Variants in EPHB1 observed in about 807,000 individuals in gnomAD.
EPHB1 encodes EPH receptor B1, also known as ephrin type-B receptor 1.
A neutral mutation model predicts 94.4 loss-of-function variants in EPHB1; 30 were observed. The observed-to-expected ratio is 0.32, with a 90% CI of 0.24 to 0.43. EPHB1 has a LOEUF of 0.43. Among genes scored for constraint, EPHB1 ranks in the 20% least tolerant of loss-of-function variants. The probability of loss-of-function intolerance (pLI) is 1.00; values close to 1 mark genes in which losing one functional copy is unlikely to be tolerated. For missense variants in EPHB1, 1,055 were observed against 1,308.3 expected (o/e 0.81, Z 2.99); for synonymous variants, 522 against 489.1 (o/e 1.07, Z -0.89).
chr3:134,902,584 C>G (rs749043347), intron 1 of EPHB1, among the ~76,000 whole-genome samples: 5 of 152,062 alleles, frequency 3.3e-5, no homozygotes, highest in Non-Finnish European at 7.4e-5. Context: ...ATTAAAATGG[C>G]TTCTTCATCT....
At chr3:134,863,986 G>A (rs1560270986) in intron 1 of EPHB1, among the ~76,000 whole-genome samples, 1 of 152,192 alleles carries the variant, frequency 6.6e-6, no homozygotes, top group Admixed American at 6.5e-5. Context: ...CAGAGGGGTG[G>A]GAAATCTACA....
At chr3:134,920,182 C>T (rs994794034) in intron 1 of EPHB1, among the ~76,000 whole-genome samples, 1 of 152,082 alleles carries the variant, frequency 6.6e-6, no homozygotes, top group African/African-American at 2.4e-5. Context: ...CACTCCCTTC[C>T]CCCAGTCTCC....
intron 3 of EPHB1, among the ~76,000 whole-genome samples, chr3:134,974,717 C>T (rs527949128): frequency 6.6e-6 from 1 of 152,326 alleles, no homozygotes; most frequent in Non-Finnish European, 1.5e-5. Flanking sequence ...TTGGCACCTG[C>T]CTCAGCATAT....
intron 3 of EPHB1, among the ~76,000 whole-genome samples, chr3:135,091,323 T>C (rs1431878267): frequency 6.6e-6 from 1 of 152,206 alleles, no homozygotes; most frequent in African/African-American, 2.4e-5. Context: ...TTGTTCTGGT[T>C]CACCTGCACC....
intron 5 of EPHB1, among the ~76,000 whole-genome samples, chr3:135,148,257 A>G (rs1018253459): frequency 6.6e-6 from 1 of 152,366 alleles, no homozygotes; most frequent in Non-Finnish European, 1.5e-5. Context: ...AAACAAAATG[A>G]GTAAGAAGAA....
At chr3:135,161,903 G>T (rs2270882) in intron 6 of EPHB1, 115 bp from the exon 7 acceptor site, 352,481 of 1,159,862 alleles carry the variant, frequency 0.3, 56,519 homozygotes, top group East Asian at 0.6. Flanking sequence ...GATGACAACT[G>T]CTAGCAGATA....
At chr3:134,825,247 T>C (rs541523907) in intron 1 of EPHB1, among the ~76,000 whole-genome samples, 1 of 152,320 alleles carries the variant, frequency 6.6e-6, no homozygotes, top group African/African-American at 2.4e-5. Flanking sequence ...AGGCTGGAGA[T>C]GTTACGATCA....
intron 3 of EPHB1, among the ~76,000 whole-genome samples, chr3:135,013,253 A>C (rs1156924899): frequency 6.6e-6 from 1 of 152,204 alleles, no homozygotes; most frequent in Non-Finnish European, 1.5e-5. Flanking sequence ...AGTAACAGGA[A>C]TATCGGGATT....
intron 1 of EPHB1, among the ~76,000 whole-genome samples, chr3:134,827,771 G>A (rs556772848): frequency 6.6e-6 from 1 of 152,262 alleles, no homozygotes; most frequent in Admixed American, 6.5e-5. Flanking sequence ...GAATGGGGAG[G>A]GGTGAAATTG....
chr3:134,969,207 T>C (rs952163500), intron 3 of EPHB1, among the ~76,000 whole-genome samples: 13 of 152,240 alleles, frequency 8.5e-5, no homozygotes, highest in African/African-American at 3.1e-4. Context: ...GCCATTCTAC[T>C]ATGTGTGTCA....
intron 3 of EPHB1, among the ~76,000 whole-genome samples, chr3:134,953,347 G>A (rs565280074): frequency 1.1e-4 from 16 of 152,366 alleles, no homozygotes; most frequent in African/African-American, 2.9e-4. Flanking sequence ...AGGGAGCTGC[G>A]CCTTTGTGTC....
intron 3 of EPHB1, among the ~76,000 whole-genome samples, chr3:135,070,069 A>T (rs940970248): frequency 6.6e-6 from 1 of 152,170 alleles, no homozygotes; most frequent in African/African-American, 2.4e-5. Flanking sequence ...GAGTTATTGT[A>T]AAAATTGAAT....
chr3:135,043,570 G>A (rs1334220355), intron 3 of EPHB1, among the ~76,000 whole-genome samples: 5 of 152,028 alleles, frequency 3.3e-5, no homozygotes, highest in East Asian at 1.9e-4. Context: ...GACTATCAAG[G>A]AGCAGGCCTC....
intron 15 of EPHB1, among the ~76,000 whole-genome samples, chr3:135,254,418 C>T (rs1933269512): frequency 8.7e-6 from 1 of 115,316 alleles, no homozygotes; most frequent in Non-Finnish European, 1.8e-5. Flanking sequence ...GCGTTTTTAG[C>T]ATGAAGGGTT....
At chr3:135,093,616 G>A (rs1938640839) in intron 3 of EPHB1, among the ~76,000 whole-genome samples, 1 of 151,856 alleles carries the variant, frequency 6.6e-6, no homozygotes, top group African/African-American at 2.4e-5. Flanking sequence ...CAGGTATTCG[G>A]GAAGCTATGG....
chr3:135,005,588 T>A (rs1323980943), intron 3 of EPHB1, among the ~76,000 whole-genome samples: 1 of 152,224 alleles, frequency 6.6e-6, no homozygotes, highest in Admixed American at 6.5e-5. Context: ...GATCTCAGAC[T>A]GCTGTGCTAG....
At chr3:134,915,605 C>G (rs36201) in intron 1 of EPHB1, among the ~76,000 whole-genome samples, 65,946 of 151,792 alleles carry the variant, frequency 0.43, 16,710 homozygotes, top group African/African-American at 0.68. Context: ...CGTGTCTGGA[C>G]TTTGTTCCTT....
chr3:135,062,913 A>T (rs1398038333), intron 3 of EPHB1, among the ~76,000 whole-genome samples: 2 of 152,150 alleles, frequency 1.3e-5, no homozygotes, highest in African/African-American at 4.8e-5. Context: ...TGGTTAGCCA[A>T]ATATCCCAGG....
Position 134,930,309 on chromosome 3 carries a change from C to T in EPHB1, c.123+4429C>T, listed in dbSNP as rs187230983. On this transcript the variant is annotated intron_variant, in intron 2 of 15. Transcript: ENST00000398015. ...TATTACGTGTCAAAACCAGAAAGTA[C>T]GCCCAGATTAAAAATGCTGCTTTAT... Among the ~76,000 whole-genome samples the T allele has an allele frequency of 1.4e-3, 206 of 152,364 alleles. 2 individuals carry two copies. Among genetic ancestry groups the T allele is most frequent in the Middle Eastern group, 0.01 (3 of 294 alleles).
Sources: gnomAD v4.1 joint callset for allele counts (sites outside exome capture counted in the v4.1 genomes callset) on GRCh38, gnomAD v4.1.1 for gene constraint, MANE v1.5 for transcripts, NCBI Gene and HGNC (gene_info 2026-07-23, HGNC 2026-07-21) for gene names.